LRRC37A2: variants seen among roughly 807,000 people sequenced by gnomAD.
LRRC37A2 encodes the protein leucine-rich repeat-containing protein 37A2.
LRRC37A2 carries 9 observed loss-of-function variants against 68.8 expected under a neutral mutation model. The ratio of observed to expected loss-of-function variants is 0.13; its 90% CI spans 0.08 to 0.23. LRRC37A2 has a LOEUF of 0.23. LRRC37A2 is among the 10% of genes least tolerant of loss of function. The pLI is 1.00. For missense variants in LRRC37A2, 168 were observed against 950.4 expected, an observed-to-expected ratio of 0.18 and a Z score of 10.82; for synonymous variants, 63 against 367.6, an observed-to-expected ratio of 0.17 and a Z score of 9.48.
the LRRC37A2 span, among the ~76,000 whole-genome samples, chr17:46,717,483 T>TG: frequency 1.3e-5 from 2 of 152,138 alleles, no homozygotes; most frequent in African/African-American, 2.4e-5. Context: ...GAGGCTGAGG[T>TG]GGGGGGATCA....
At chr17:46,605,995 C>CAAAAAAAAAAAAAA in the LRRC37A2 span, among the ~76,000 whole-genome samples, 2 of 51,054 alleles carry the variant, frequency 3.9e-5, no homozygotes, top group African/African-American at 2.1e-4. Flanking sequence ...ACTAAAAATA[C>CAAAAAAAAAAAAAA]AAAAAAAAAA....
At chr17:46,872,137 G>C in the LRRC37A2 span, among the ~76,000 whole-genome samples, 1 of 152,182 alleles carries the variant, frequency 6.6e-6, no homozygotes, top group Non-Finnish European at 1.5e-5. Context: ...AAGCTGCCTA[G>C]GGACTGTGGT....
At chr17:46,861,843 G>A in the LRRC37A2 span, among the ~76,000 whole-genome samples, 1 of 152,316 alleles carries the variant, frequency 6.6e-6, no homozygotes, top group East Asian at 1.9e-4. Flanking sequence ...GCCAGATGCT[G>A]TCAGAATTCA....
chr17:46,690,569 G>A, the LRRC37A2 span, among the ~76,000 whole-genome samples: 1 of 91,228 alleles, frequency 1.1e-5, no homozygotes, highest in Non-Finnish European at 2.1e-5. Context: ...CCAAGATCAC[G>A]CCACTGCACT....
At chr17:46,979,059 C>T in the LRRC37A2 span, 1 of 1,330,680 alleles carries the variant, frequency 7.5e-7, no homozygotes, top group Non-Finnish European at 9.5e-7. Flanking sequence ...CACTGGGCTG[C>T]TCGCCGGGGT....
chr17:46,757,813 G>A, the LRRC37A2 span, among the ~76,000 whole-genome samples: 23,109 of 151,882 alleles, frequency 0.15, 3,470 homozygotes, highest in East Asian at 0.6. Context: ...GGCCAACATG[G>A]TGAAACCCTG....
the LRRC37A2 span, among the ~76,000 whole-genome samples, chr17:46,970,925 G>C: frequency 4.1e-4 from 62 of 152,280 alleles, no homozygotes; most frequent in Middle Eastern, 3.4e-3. Context: ...TAATTCTATC[G>C]ATCCCTCAAA....
the LRRC37A2 span, among the ~76,000 whole-genome samples, chr17:47,011,061 GAA>G: frequency 6.6e-6 from 1 of 152,146 alleles, no homozygotes; most frequent in East Asian, 1.9e-4. Context: ...GTCTTAGACA[GAA>G]AAAGAGACCA....
chr17:46,940,896 A>C, the LRRC37A2 span: 1 of 1,379,382 alleles, frequency 7.2e-7, no homozygotes, highest in East Asian at 2.9e-5. Flanking sequence ...ACTTCTCTTC[A>C]CACATCTGCT....
chr17:47,019,190 G>C, the LRRC37A2 span: 1 of 1,409,398 alleles, frequency 7.1e-7, no homozygotes, highest in Non-Finnish European at 1.0e-6. Flanking sequence ...TTCAACCTTT[G>C]GACCTGGGGT....
chr17:46,813,206 C>T, the LRRC37A2 span, among the ~76,000 whole-genome samples: 2 of 151,780 alleles, frequency 1.3e-5, no homozygotes, highest in South Asian at 2.1e-4. Flanking sequence ...TTCACAGCAA[C>T]GAGCCCAGAA....
chr17:46,952,179 AT>A, the LRRC37A2 span, among the ~76,000 whole-genome samples: 8 of 152,260 alleles, frequency 5.3e-5, no homozygotes, highest in Middle Eastern at 3.4e-3. Flanking sequence ...ACAAATCCTT[AT>A]CCCCTTCTGC....
the LRRC37A2 span, among the ~76,000 whole-genome samples, chr17:46,839,338 G>T: frequency 1.3e-5 from 2 of 152,340 alleles, no homozygotes; most frequent in East Asian, 1.9e-4. Context: ...CCAGCTGTGG[G>T]TACCTGACCC....
chr17:46,466,963 G>A, the LRRC37A2 span, among the ~76,000 whole-genome samples: 11 of 97,134 alleles, frequency 1.1e-4, 4 homozygotes, highest in African/African-American at 4.7e-4. Context: ...ATGGGGAAAG[G>A]ATTCCCTATT....
the LRRC37A2 span, chr17:46,940,575 A>G: frequency 6.2e-7 from 1 of 1,614,212 alleles, no homozygotes; most frequent in South Asian, 1.1e-5. Flanking sequence ...ATCCTGCCAG[A>G]CAGCACACTT....
chr17:46,744,548 T>G, the LRRC37A2 span, among the ~76,000 whole-genome samples: 1 of 152,226 alleles, frequency 6.6e-6, no homozygotes, highest in East Asian at 1.9e-4. Flanking sequence ...TAACTGACTT[T>G]ACTTTTGTTC....
At chr17:46,988,232 A>G in the LRRC37A2 span, among the ~76,000 whole-genome samples, 2 of 152,240 alleles carry the variant, frequency 1.3e-5, no homozygotes, top group African/African-American at 4.8e-5. Context: ...AGACTCAAAA[A>G]ATAACATATA....
chr17:46,853,041 C>CT, the LRRC37A2 span, among the ~76,000 whole-genome samples: 12 of 152,166 alleles, frequency 7.9e-5, no homozygotes, highest in Admixed American at 7.9e-4. Context: ...AGGGGTTGAA[C>CT]TTGATATGAC....
the LRRC37A2 span, among the ~76,000 whole-genome samples, chr17:46,734,374 T>C: frequency 6.6e-6 from 1 of 152,184 alleles, no homozygotes; most frequent in Admixed American, 6.5e-5. Flanking sequence ...GACTTTTGCA[T>C]TGGGCTTCAT....
Sources: allele counts gnomAD v4.1 joint callset (sites outside exome capture counted in the v4.1 genomes callset), GRCh38; gene constraint gnomAD v4.1.1; transcripts MANE v1.5; gene names NCBI Gene and HGNC (gene_info 2026-07-23, HGNC 2026-07-21).